Variants in LHFPL1 observed in about 807,000 individuals in gnomAD.
LHFPL1 encodes the protein LHFPL tetraspan subfamily member 1 protein.
LHFPL1 carries 4 observed loss-of-function variants against 12.1 expected under a neutral mutation model. That is an observed-to-expected ratio of 0.33 (90% CI 0.16 to 0.76). The LOEUF (loss-of-function observed/expected upper bound fraction) is 0.76, where lower values mean the gene tolerates loss of function less well. Among genes scored for constraint, LHFPL1 ranks in the 30% least tolerant of loss-of-function variants. LHFPL1 has a pLI of 0.61. For missense variants in LHFPL1, 141 were observed against 174.1 expected (o/e 0.81, Z 1.07); for synonymous variants, 52 against 61.9 (o/e 0.84, Z 0.75).
chrX:112,671,359 A>G lies in LHFPL1; in HGVS notation c.32T>C (p.Leu11Pro), dbSNP rs929058939. 1.7e-6 allele frequency: 2 copies of G among 1,211,987 alleles called. No homozygotes were observed. Among genetic ancestry groups the G allele is most frequent in the Non-Finnish European group, 2.2e-6 (2 of 895,551 alleles). Reference protein sequence around the residue: MRSSLTMVGTLWAFLSLVTAV... With the variant: MRSSLTMVGTPWAFLSLVTAV... ...AGTAACAAGGGACAGGAAGGCCCAG[A>G]GGGTTCCCACCATGGTCAGGCTGCT... Residue 11 changes from leucine (L) to proline (P), a missense_variant, in exon 2 of 4, where the codon CTC becomes CCC. Leu to Pro is a moderately conservative substitution (Grantham distance 98). Transcript: ENST00000371968.
intron 3 of LHFPL1, among the ~76,000 whole-genome samples, chrX:112,654,643 A>G (rs770414763): frequency 1.8e-5 from 2 of 110,329 alleles, no homozygotes; most frequent in South Asian, 7.6e-4. Context: ...AAGGAACTTA[A>G]TGGTCATTTT....
At chrX:112,666,245 A>G (rs1279216753) in intron 2 of LHFPL1, among the ~76,000 whole-genome samples, 1 of 111,784 alleles carries the variant, frequency 8.9e-6, no homozygotes, top group African/African-American at 3.3e-5. Context: ...AAAATTTACA[A>G]GCCTGACTTT....
intron 3 of LHFPL1, among the ~76,000 whole-genome samples, chrX:112,643,378 C>CA (rs1164744066): frequency 0.046 from 1,761 of 38,542 alleles, 96 homozygotes; most frequent in African/African-American, 0.12. Context: ...GACTCCGTCT[C>CA]AAAAAAAAAA....
At chrX:112,646,248 G>C (rs1395026037) in intron 3 of LHFPL1, among the ~76,000 whole-genome samples, 1 of 106,124 alleles carries the variant, frequency 9.4e-6, no homozygotes, top group African/African-American at 3.5e-5. Context: ...AGGGAGTCCC[G>C]GGACAGCAAG....
At chrX:112,636,897 T>C (rs1269362544) in intron 3 of LHFPL1, among the ~76,000 whole-genome samples, 1 of 111,892 alleles carries the variant, frequency 8.9e-6, no homozygotes, top group African/African-American at 3.3e-5. Flanking sequence ...AAAGTCTGTG[T>C]CCTTAGAAGA....
intron 3 of LHFPL1, among the ~76,000 whole-genome samples, chrX:112,658,613 T>C (rs1159305924): frequency 7.2e-5 from 8 of 111,076 alleles, no homozygotes; most frequent in African/African-American, 2.6e-4. Flanking sequence ...AGGACAGCTA[T>C]AACAAAAAGT....
chrX:112,663,513 A>T (rs1001823445), intron 2 of LHFPL1, among the ~76,000 whole-genome samples: 8 of 107,661 alleles, frequency 7.4e-5, no homozygotes, highest in Non-Finnish European at 1.4e-4. Context: ...CTGACACCAT[A>T]AAAAAAAAAT....
chrX:112,656,304 C>T (rs1302883168), intron 3 of LHFPL1, among the ~76,000 whole-genome samples: 1 of 111,363 alleles, frequency 9.0e-6, no homozygotes, highest in Non-Finnish European at 1.9e-5. Flanking sequence ...ATCTGATTAA[C>T]TCCAACACCC....
intron 1 of LHFPL1, among the ~76,000 whole-genome samples, chrX:112,678,017 C>T (rs720830): frequency 0.23 from 25,470 of 109,156 alleles, 4,730 homozygotes; most frequent in African/African-American, 0.63. Flanking sequence ...TGGGAATGCT[C>T]ACAAGCAGGT....
chrX:112,634,203 T>C (rs962589570), intron 3 of LHFPL1, among the ~76,000 whole-genome samples: 1 of 111,242 alleles, frequency 9.0e-6, no homozygotes. Flanking sequence ...AGACCAAGTG[T>C]CTTTACTCCC....
chrX:112,665,132 C>T (rs908513330), intron 2 of LHFPL1, among the ~76,000 whole-genome samples: 1 of 110,971 alleles, frequency 9.0e-6, no homozygotes, highest in East Asian at 2.8e-4. Flanking sequence ...ATTGCTAACT[C>T]CCAGTTTGAC....
At chrX:112,672,426 C>T (rs931316006) in intron 1 of LHFPL1, among the ~76,000 whole-genome samples, 1 of 111,522 alleles carries the variant, frequency 9.0e-6, no homozygotes, top group African/African-American at 3.3e-5. Flanking sequence ...CCACTTTCCT[C>T]CCAACTCCAT....
chrX:112,646,355 A>AT (rs1930686936), intron 3 of LHFPL1, among the ~76,000 whole-genome samples: 1 of 8,253 alleles, frequency 1.2e-4, no homozygotes, highest in African/African-American at 4.2e-4. Context: ...TTGCGGGGGG[A>AT]GGGGGGGTGC....
chrX:112,636,005 C>A (rs756317889), intron 3 of LHFPL1, among the ~76,000 whole-genome samples: 1 of 110,896 alleles, frequency 9.0e-6, no homozygotes, highest in Non-Finnish European at 1.9e-5. Context: ...TCGACCTTGG[C>A]GCTATTGACA....
intron 3 of LHFPL1, among the ~76,000 whole-genome samples, chrX:112,647,635 A>G (rs1011982483): frequency 1.8e-5 from 2 of 112,260 alleles, no homozygotes; most frequent in Admixed American, 1.9e-4. Context: ...ACCATCTCAC[A>G]CCAGTTAGGA....
intron 1 of LHFPL1, among the ~76,000 whole-genome samples, chrX:112,676,858 G>C (rs1602700787): frequency 9.0e-6 from 1 of 111,686 alleles, no homozygotes; most frequent in East Asian, 2.8e-4. Context: ...TCCTTTTGTT[G>C]GGTCCTCAGA....
chrX:112,644,501 A>G (rs755851070), intron 3 of LHFPL1, among the ~76,000 whole-genome samples: 4 of 110,296 alleles, frequency 3.6e-5, no homozygotes, highest in Admixed American at 9.7e-5. Flanking sequence ...AGGACCTGAT[A>G]TCTGCTCTTC....
At chrX:112,667,563 C>A (rs960780070) in intron 2 of LHFPL1, among the ~76,000 whole-genome samples, 1 of 112,517 alleles carries the variant, frequency 8.9e-6, no homozygotes, top group Non-Finnish European at 1.9e-5. Flanking sequence ...GTACTACTCA[C>A]CTATTTGTTC....
chrX:112,648,793 T>C (rs1402965838), intron 3 of LHFPL1: 1 of 111,853 alleles, frequency 8.9e-6, no homozygotes, highest in Non-Finnish European at 1.9e-5. Flanking sequence ...GGACATTTAT[T>C]ATGGACTCTG....
Sources: gnomAD v4.1 joint callset for allele counts (sites outside exome capture counted in the v4.1 genomes callset) on GRCh38, gnomAD v4.1.1 for gene constraint, MANE v1.5 for transcripts, NCBI Gene and HGNC (gene_info 2026-07-23, HGNC 2026-07-21) for gene names.